Variants in CFAP77 observed in about 807,000 individuals in gnomAD.
The protein encoded by CFAP77 is cilia- and flagella-associated protein 77.
A neutral mutation model predicts 31.1 loss-of-function variants in CFAP77; 25 were observed. The ratio of observed to expected loss-of-function variants is 0.80; its 90% CI spans 0.59 to 1.12. The LOEUF is 1.12. Ranked by LOEUF, CFAP77 falls within the 50% of genes most tolerant of loss-of-function variation. The pLI is 0.00. For missense variants in CFAP77, 377 were observed against 397.3 expected, an observed-to-expected ratio of 0.95 and a Z score of 0.44; for synonymous variants, 151 against 159.9, an observed-to-expected ratio of 0.94 and a Z score of 0.42.
At chr9:132,475,165 A>G (rs1369831626) in intron 1 of CFAP77, among the ~76,000 whole-genome samples, 3 of 152,252 alleles carry the variant, frequency 2.0e-5, no homozygotes, top group Non-Finnish European at 2.9e-5. Context: ...GAGGTCTTCC[A>G]GCGAGAAGAA....
intron 1 of CFAP77, among the ~76,000 whole-genome samples, chr9:132,417,349 G>A (rs1346307248): frequency 2.6e-5 from 4 of 152,176 alleles, no homozygotes; most frequent in East Asian, 1.9e-4. Context: ...CCCTGACCTC[G>A]TGATCCGCCC....
chr9:132,418,189 G>A (rs1346901474), intron 1 of CFAP77, among the ~76,000 whole-genome samples: 1 of 152,226 alleles, frequency 6.6e-6, no homozygotes, highest in Non-Finnish European at 1.5e-5. Context: ...AATTGAGGGG[G>A]GCAGTTTTGC....
At position 132,511,022 on chromosome 9, in the gene CFAP77, C is replaced by T. The variant is rs1377331405; in HGVS notation, c.524+11422C>T. Among the ~76,000 whole-genome samples the T allele has an allele frequency of 6.6e-6, 1 of 152,174 alleles. No homozygotes were observed. ...CTGATCTCAGAACCCACATTCGTTA[C>T]CTCCGGCCTATGCTGAGAGTTCATT... On this transcript the variant is annotated intron_variant, in intron 3 of 5. Coordinates refer to ENST00000393216, the MANE Select transcript of CFAP77 (RefSeq NM_001282957.2). This position sits in a 1 kb window ranked among gnomAD's most constrained non-coding sequence, Gnocchi z 5.8.
At chr9:132,416,178 G>A (rs557156857) in intron 1 of CFAP77, among the ~76,000 whole-genome samples, 32 of 152,138 alleles carry the variant, frequency 2.1e-4, no homozygotes, top group East Asian at 1.9e-3. Flanking sequence ...CCTTAGACCC[G>A]TCTGCTGGGC....
intron 3 of CFAP77, among the ~76,000 whole-genome samples, chr9:132,536,428 A>C (rs999067716): frequency 5.8e-5 from 7 of 120,898 alleles, no homozygotes; most frequent in African/African-American, 2.2e-4. Context: ...GAGTCTTGCT[A>C]TGTTGCCCAG....
chr9:132,451,070 C>T (rs1850818122), intron 1 of CFAP77, among the ~76,000 whole-genome samples: 1 of 152,154 alleles, frequency 6.6e-6, no homozygotes, highest in Non-Finnish European at 1.5e-5. Flanking sequence ...GGCACGGTGC[C>T]TCACACCTGT....
intron 1 of CFAP77, among the ~76,000 whole-genome samples, chr9:132,486,944 G>C (rs1851571714): frequency 6.6e-6 from 1 of 152,246 alleles, no homozygotes; most frequent in Non-Finnish European, 1.5e-5. Context: ...CGGAAGGGAG[G>C]CCGGGCTGCC....
intron 1 of CFAP77, among the ~76,000 whole-genome samples, chr9:132,423,932 CT>C (rs1220162248): frequency 6.6e-6 from 1 of 152,226 alleles, no homozygotes; most frequent in African/African-American, 2.4e-5. Context: ...AATCCATGTG[CT>C]TATCACCTGC....
chr9:132,512,195 G>A (rs1225021658), intron 3 of CFAP77, among the ~76,000 whole-genome samples: 1 of 152,178 alleles, frequency 6.6e-6, no homozygotes, highest in African/African-American at 2.4e-5. Context: ...GGTGGCCCCA[G>A]GTGTTCCTTG....
intron 5 of CFAP77, among the ~76,000 whole-genome samples, chr9:132,562,891 G>C (rs1263727659): frequency 4.6e-5 from 7 of 151,936 alleles, no homozygotes; most frequent in African/African-American, 1.7e-4. Flanking sequence ...GTAGAGACAG[G>C]GTTTCATCAT....
rs1053070212 is a variant in CFAP77, at chr9:132,511,549, C to T, written c.524+11949C>T. Among the ~76,000 whole-genome samples, 10 of 152,178 alleles carry T rather than the reference C, an allele frequency of 6.6e-5. No individual in the cohort carries two copies. Among genetic ancestry groups the T allele is most frequent in the Admixed American group, 1.3e-4 (2 of 15,278 alleles). On this transcript the variant is annotated intron_variant, in intron 3 of 5. Transcript: ENST00000393216. The surrounding 1 kb of genome is among the most constrained non-coding windows in gnomAD (Gnocchi z 5.8). ...TCAGTAAACGCTTGTTGACTGACTG[C>T]GTGAGAGGGAACAGATTGCTCAAAT... is the stretch of plus-strand genomic sequence containing the variant.
chr9:132,563,741 G>A (rs771162601), intron 5 of CFAP77, among the ~76,000 whole-genome samples: 2 of 152,212 alleles, frequency 1.3e-5, no homozygotes, highest in Non-Finnish European at 2.9e-5. Context: ...ACACTCGCTG[G>A]TAGTGCATGG....
At chr9:132,500,768 A>G (rs938974964) in intron 3 of CFAP77, among the ~76,000 whole-genome samples, 2 of 152,166 alleles carry the variant, frequency 1.3e-5, no homozygotes, top group African/African-American at 2.4e-5. Context: ...GCATGTCCCA[A>G]TGGGTCCACA....
At chr9:132,537,525 CG>C (rs1564244864) in intron 3 of CFAP77, 75 bp from the exon 4 acceptor site, 4 of 1,069,764 alleles carry the variant, frequency 3.7e-6, no homozygotes, top group Non-Finnish European at 5.6e-6. Flanking sequence ...AGGAGGCTCC[CG>C]GGGGCGGGCG....
intron 1 of CFAP77, among the ~76,000 whole-genome samples, chr9:132,445,220 C>T (rs532036640): frequency 3.9e-5 from 6 of 152,120 alleles, no homozygotes; most frequent in South Asian, 2.1e-4. Flanking sequence ...GTGATCTGCC[C>T]GCCTCAGCCT....
intron 1 of CFAP77, among the ~76,000 whole-genome samples, chr9:132,423,000 G>A (rs533285052): frequency 2.6e-4 from 39 of 152,310 alleles, no homozygotes; most frequent in African/African-American, 5.3e-4. Context: ...GCCGCGCTCC[G>A]TATTTTCACC....
intron 1 of CFAP77, among the ~76,000 whole-genome samples, chr9:132,438,133 C>T (rs1176125725): frequency 2.2e-5 from 3 of 134,150 alleles, no homozygotes; most frequent in Non-Finnish European, 4.6e-5. Flanking sequence ...ACCCAGGAGG[C>T]GGAGGTTGTA....
chr9:132,468,501 C>G (rs893466349), intron 1 of CFAP77, among the ~76,000 whole-genome samples: 3 of 152,214 alleles, frequency 2.0e-5, no homozygotes, highest in African/African-American at 4.8e-5. Context: ...GGGCCCACCT[C>G]GTACTCACCC....
rs548600807 is a variant in CFAP77 at position 132,462,536 on chromosome 9, G to A, written c.196-36159G>A. ...TTTCTATCATCTCCAGGTTTTCAACGTCATAAAACTACACTGCAAGAACAC... is the reference window on the plus strand; with the variant it reads ...TTTCTATCATCTCCAGGTTTTCAACATCATAAAACTACACTGCAAGAACAC... On this transcript the variant is annotated intron_variant, in intron 1 of 5. Coordinates refer to ENST00000393216, the MANE Select transcript of CFAP77 (RefSeq NM_001282957.2). Among the ~76,000 whole-genome samples, 9 of 152,242 alleles carry A rather than the reference G, an allele frequency of 5.9e-5. 1 individual carries two copies. The South Asian group carries it at 1.5e-3, about 25-fold the overall frequency.
Sources: allele counts gnomAD v4.1 joint callset (sites outside exome capture counted in the v4.1 genomes callset), GRCh38; gene constraint gnomAD v4.1.1; non-coding constraint Gnocchi (gnomAD v3.1); transcripts MANE v1.5; gene names NCBI Gene and HGNC (gene_info 2026-07-23, HGNC 2026-07-21).